The following CPLANE1 variants were observed in gnomAD, a reference collection of about 807,000 sequenced individuals.
The protein encoded by CPLANE1 is ciliogenesis and planar polarity effector 1.
CPLANE1 carries 263 observed loss-of-function variants against 362.5 expected under a neutral mutation model. The ratio of observed to expected loss-of-function variants is 0.73; its 90% CI spans 0.66 to 0.80. The LOEUF (loss-of-function observed/expected upper bound fraction) is 0.80, where lower values mean the gene tolerates loss of function less well. CPLANE1 is among the 30% of genes least tolerant of loss of function. The pLI, the probability that CPLANE1 is intolerant of heterozygous loss-of-function variation, is 0.00. For synonymous variants in CPLANE1, 1,212 were observed against 1,302.6 expected, an observed-to-expected ratio of 0.93 and a Z score of 1.50; for missense variants, 3,461 against 3,793.4, an observed-to-expected ratio of 0.91 and a Z score of 2.30.
intron 51 of CPLANE1, among the ~76,000 whole-genome samples, chr5:37,111,406 G>A (rs1470452219): frequency 1.3e-5 from 2 of 152,176 alleles, no homozygotes; most frequent in Non-Finnish European, 2.9e-5. Context: ...TTGTACAGGC[G>A]TGAGCCACCG....
At chr5:37,099,532 C>G in the CPLANE1 span, among the ~76,000 whole-genome samples, 1 of 152,168 alleles carries the variant, frequency 6.6e-6, no homozygotes, top group Admixed American at 6.5e-5. Flanking sequence ...TTTTCTCTAT[C>G]CAGTCTATCA....
Position 37,157,780 on chromosome 5 carries a change from T to C in CPLANE1, c.7901A>G (p.Asn2634Ser), listed in dbSNP as rs375351922. Residue 2634 changes from asparagine to serine, a missense_variant, in exon 40 of 53, where the codon AAT becomes AGT. Around this residue, in one of 2 missense-constraint regions of CPLANE1, gnomAD observed 3,380 missense variants for 3,666.1 expected, o/e 0.92. Coordinates refer to ENST00000651892, the MANE Select transcript of CPLANE1 (RefSeq NM_001384732.1). ...ATGATCGCTTTGCTGTTTGATAACA[T>C]TATCATTTGAAGGCTCTTCTCTCAC... ...LPVREEPSND[N>S]VIKQQSDHLA... The C allele has an allele frequency of 2.3e-5, 37 of 1,613,658 alleles. No individual in the cohort carries two copies. The highest frequency in any genetic ancestry group is 3.0e-5 in the Non-Finnish European group (35 of 1,179,806).
rs199801993 is a variant in CPLANE1 at position 37,224,946 on chromosome 5, CT to C, written c.2292-207del. On this transcript the variant is annotated intron_variant, in intron 12 of 52. Transcript: ENST00000651892. Reference sequence around the variant, plus strand: ...CATAAATATTTTAAGCACCTGTAATCTTTTTTTTTTTTTTTTTTTTAAGACA... The same window carrying C: ...CATAAATATTTTAAGCACCTGTAATCTTTTTTTTTTTTTTTTTTTAAGACA... Among the ~76,000 whole-genome samples, 23,132 of 131,264 alleles carry C rather than the reference CT, an allele frequency of 0.18. 2,343 individuals are homozygous for C. Among genetic ancestry groups the C allele is most frequent in the African/African-American group, 0.31 (11,054 of 36,156 alleles). The allele number at this position is 131,264 out of a possible 152,430, so 86.1% of individuals were successfully genotyped here. A position where few individuals can be genotyped will look rare whatever the true frequency, so the allele number is the denominator to read the frequency against.
chr5:37,202,294 T>G (rs1230017217), intron 18 of CPLANE1, among the ~76,000 whole-genome samples: 1 of 151,954 alleles, frequency 6.6e-6, no homozygotes, highest in Admixed American at 6.6e-5. Flanking sequence ...CCTGAGTAGC[T>G]GGGATTACAG....
chr5:37,184,307 T>C (rs1226309565), intron 25 of CPLANE1, among the ~76,000 whole-genome samples: 2 of 152,114 alleles, frequency 1.3e-5, no homozygotes, highest in Non-Finnish European at 2.9e-5. Flanking sequence ...CACAGATCCT[T>C]AGTTCCCTCA....
At chr5:37,157,513 A>C (rs1445309530) in intron 40 of CPLANE1, 93 bp from the exon 41 acceptor site, 1 of 1,151,072 alleles carries the variant, frequency 8.7e-7, no homozygotes, top group East Asian at 2.5e-5. Context: ...CTTCTAAATA[A>C]GGTAATCCGA....
At chr5:37,212,261 G>A (rs931745108) in intron 16 of CPLANE1, 24 of 1,372,696 alleles carry the variant, frequency 1.7e-5, no homozygotes, top group East Asian at 2.3e-5. Context: ...ACCAGGAGTC[G>A]GCAGATAAGA....
At chr5:37,220,916 T>C (rs1795225583) in intron 15 of CPLANE1, among the ~76,000 whole-genome samples, 1 of 152,222 alleles carries the variant, frequency 6.6e-6, no homozygotes, top group South Asian at 2.1e-4. Flanking sequence ...GAAAAAACAC[T>C]TGGGTCCTAA....
Position 37,157,784 on chromosome 5 carries a change from C to A in CPLANE1, c.7897G>T (p.Asp2633Tyr). ...ELPVREEPSN[D>Y]NVIKQQSDHL... is the part of the protein sequence containing the mutation. ...TCGCTTTGCTGTTTGATAACATTAT[C>A]ATTTGAAGGCTCTTCTCTCACAGGT... Residue 2633 changes from aspartate to tyrosine, a missense_variant, in exon 40 of 53, where the codon GAT becomes TAT. By Grantham distance (160) the Asp-to-Tyr change is radical. Transcript: ENST00000651892. The A allele has an allele frequency of 6.2e-7, 1 of 1,613,602 alleles. No individual in the cohort carries two copies. The highest frequency in any genetic ancestry group is 8.5e-7 in the Non-Finnish European group (1 of 1,179,744).
chr5:37,226,739 A>C lies in CPLANE1; in HGVS notation c.1856T>G (p.Leu619Arg). 1 of 1,544,344 alleles carries C rather than the reference A, an allele frequency of 6.5e-7. No homozygotes were observed. Among genetic ancestry groups the C allele is most frequent in the East Asian group, 2.5e-5 (1 of 40,792 alleles). The change falls in exon 12 of 53, where the codon CTT becomes CGT. Residue 619 changes from leucine (L) to arginine (R), a missense_variant. Leu to Arg is a moderately radical substitution (Grantham distance 102). Transcript: ENST00000651892. ...LQFIKCPFPKLDLVLSKSSRH... is the reference protein window; with the variant it reads ...LQFIKCPFPKRDLVLSKSSRH... ...TGAGCTTTTGCTTAAAACAAGATCA[A>C]GTTTAGGAAAAGGACATTTTATAAA...
chr5:37,221,417 T>C lies in CPLANE1; in HGVS notation c.2653A>G (p.Asn885Asp). The C allele has an allele frequency of 6.5e-7, 1 of 1,539,784 alleles. No individual in the cohort carries two copies. Among genetic ancestry groups the C allele is most frequent in the Non-Finnish European group, 8.8e-7 (1 of 1,141,614 alleles). The change falls in exon 15 of 53, where the codon AAT (asparagine) becomes GAT (aspartate). Residue 885 changes from asparagine (N) to aspartate (D), a missense_variant. This residue lies in a region of CPLANE1 where 3,380 missense variants were observed against 3,666.1 expected (regional missense o/e 0.92). Transcript: ENST00000651892. The part of the protein sequence containing the change: ...SLLYCHLYSY[N>D]LNDAQGLCDQ... ...CACAATCCTTGAGCATCATTTAAAT[T>C]ATAGCTATAGAGGTGGCAGTATAAG...
chr5:37,195,637 CAT>C (rs1315808377), intron 21 of CPLANE1, among the ~76,000 whole-genome samples: 1 of 151,466 alleles, frequency 6.6e-6, no homozygotes, highest in Non-Finnish European at 1.5e-5. Context: ...TGAAGCATGA[CAT>C]AAGGTAATAG....
intron 15 of CPLANE1, 103 bp from the exon 16 acceptor site, chr5:37,213,835 T>C (rs2150251132): frequency 2.2e-6 from 2 of 904,978 alleles, no homozygotes; most frequent in Non-Finnish European, 3.1e-6. Flanking sequence ...AATACCTTTT[T>C]TTCTGAGATA....
In CPLANE1 at chr5:37,136,837, G is replaced by A. The variant is rs74942290; in HGVS notation, c.8792+1883C>T. Among the ~76,000 whole-genome samples the A allele has an allele frequency of 3.3e-5, 5 of 152,246 alleles. No homozygotes were observed. In the East Asian group the frequency reaches 5.8e-4, roughly 18 times the overall value. ...GGCGCCTTCTAGCCACAGCTAGAGA[G>A]GATAGGATGCAGGGCACCAAGTCCC... On this transcript the variant is annotated intron_variant, in intron 46 of 52. Coordinates refer to ENST00000651892, the MANE Select transcript of CPLANE1 (RefSeq NM_001384732.1).
chr5:37,206,072 A>T, intron 17 of CPLANE1, 125 bp downstream of exon 17: 1 of 698,678 alleles, frequency 1.4e-6, no homozygotes, highest in Non-Finnish European at 2.4e-6. Flanking sequence ...TCTATCACTA[A>T]AGAACGTTCC....
At chr5:37,096,503 T>C in the CPLANE1 span, among the ~76,000 whole-genome samples, 2 of 152,150 alleles carry the variant, frequency 1.3e-5, no homozygotes, top group African/African-American at 4.8e-5. Context: ...TATGTAAGGA[T>C]TTCATGACCA....
Position 37,107,054 on chromosome 5 carries a change from T to C in CPLANE1, c.*548A>G. ...ACAGGGCAGAAGACAGAAGATCTCCTGGCCTCCATGAAACTTTGCTTATTT... is the reference window on the plus strand; with the variant it reads ...ACAGGGCAGAAGACAGAAGATCTCCCGGCCTCCATGAAACTTTGCTTATTT... On this transcript the variant is annotated 3_prime_UTR_variant, in exon 53 of 53. Coordinates refer to ENST00000651892, the MANE Select transcript of CPLANE1 (RefSeq NM_001384732.1). 8 of 985,464 alleles carry C rather than the reference T, an allele frequency of 8.1e-6. No homozygotes were observed. Among genetic ancestry groups the C allele is most frequent in the Non-Finnish European group, 9.6e-6 (8 of 829,932 alleles). 61.0% of individuals were successfully genotyped at this position (985,464 alleles called of 1,614,324 possible). A position where few individuals can be genotyped will look rare whatever the true frequency, so the allele number is the denominator to read the frequency against.
chr5:37,242,478 T>G (rs1013235558), intron 6 of CPLANE1, among the ~76,000 whole-genome samples: 4 of 152,226 alleles, frequency 2.6e-5, no homozygotes, highest in African/African-American at 9.6e-5. Flanking sequence ...CCTTTTAAAT[T>G]TCAACTGAAT....
At chr5:37,108,562 A>G in intron 51 of CPLANE1, 91 bp from the exon 52 acceptor site, 1 of 1,183,606 alleles carries the variant, frequency 8.4e-7, no homozygotes, top group Admixed American at 2.3e-5. Context: ...ATCAAAGCCA[A>G]GGTAGTCACA....
Sources: gnomAD v4.1 joint callset for allele counts (sites outside exome capture counted in the v4.1 genomes callset) on GRCh38, gnomAD v4.1.1 for gene constraint, gnomAD v4.1.1 regional missense constraint, MANE v1.5 for transcripts, NCBI Gene and HGNC (gene_info 2026-07-23, HGNC 2026-07-21) for gene names.